The following TRIM2 variants were observed in gnomAD, a reference collection of about 807,000 sequenced individuals.
TRIM2 encodes tripartite motif containing 2.
In TRIM2, 20 loss-of-function variants were observed where a neutral mutation model predicts 75.2. The observed-to-expected ratio is 0.27, with a 90% CI of 0.19 to 0.39. The LOEUF (loss-of-function observed/expected upper bound fraction) is 0.39. Among genes scored for constraint, TRIM2 ranks in the 10% least tolerant of loss-of-function variants. The pLI is 1.00. For missense variants in TRIM2, 660 were observed against 990.8 expected, an observed-to-expected ratio of 0.67 and a Z score of 4.48; for synonymous variants, 373 against 388.3, an observed-to-expected ratio of 0.96 and a Z score of 0.46.
intron 1 of TRIM2, among the ~76,000 whole-genome samples, chr4:153,212,148 T>C (rs1417070121): frequency 6.6e-6 from 1 of 152,152 alleles, no homozygotes; most frequent in Non-Finnish European, 1.5e-5. Context: ...AAGCTAAGTG[T>C]CTGTCAACAG....
At chr4:153,314,804 C>G (rs938179669) in intron 6 of TRIM2, among the ~76,000 whole-genome samples, 4 of 152,146 alleles carry the variant, frequency 2.6e-5, no homozygotes, top group Non-Finnish European at 5.9e-5. Context: ...TTATAACTAT[C>G]TGTGGCCTTC....
At chr4:153,239,832 C>CTTTTTTTTTTTTTTTTTTTT (rs142457664) in intron 1 of TRIM2, among the ~76,000 whole-genome samples, 1 of 139,448 alleles carries the variant, frequency 7.2e-6, no homozygotes. Context: ...AACTTTCTTT[C>CTTTTTTTTTTTTTTTTTTTT]TCTTTTTTTT....
At chr4:153,212,086 C>T (rs1034336050) in intron 1 of TRIM2, among the ~76,000 whole-genome samples, 1 of 152,166 alleles carries the variant, frequency 6.6e-6, no homozygotes, top group African/African-American at 2.4e-5. Flanking sequence ...AATGGCCTCT[C>T]TGCAGGCTTC....
chr4:153,298,019 A>G (rs1763097929), intron 6 of TRIM2, among the ~76,000 whole-genome samples: 1 of 152,178 alleles, frequency 6.6e-6, no homozygotes, highest in Admixed American at 6.5e-5. Context: ...CATGTCTTTC[A>G]GGAGTTTCCT....
chr4:153,207,625 T>C (rs1025116563), intron 1 of TRIM2, among the ~76,000 whole-genome samples: 1 of 152,210 alleles, frequency 6.6e-6, no homozygotes, highest in Non-Finnish European at 1.5e-5. Context: ...CAGTCCTAAA[T>C]ACCATCTAAG....
intron 3 of TRIM2, among the ~76,000 whole-genome samples, chr4:153,278,797 C>CAAA (rs5863036): frequency 8.1e-6 from 1 of 123,060 alleles, no homozygotes; most frequent in Admixed American, 8.3e-5. Context: ...GACTCTATCT[C>CAAA]AAAAAAAAAA....
At chr4:153,193,067 T>C (rs1291790009) in intron 1 of TRIM2, among the ~76,000 whole-genome samples, 1 of 152,186 alleles carries the variant, frequency 6.6e-6, no homozygotes, top group Non-Finnish European at 1.5e-5. Flanking sequence ...TGTTCACTGC[T>C]TTATTCCTCA....
intron 1 of TRIM2, among the ~76,000 whole-genome samples, chr4:153,155,206 C>T (rs1301729536): frequency 1.3e-5 from 2 of 152,126 alleles, no homozygotes; most frequent in Non-Finnish European, 2.9e-5. Flanking sequence ...TGGGGTTTCT[C>T]AGATTTTTGC....
At chr4:153,307,974 T>C in intron 6 of TRIM2, 2 of 758,356 alleles carry the variant, frequency 2.6e-6, no homozygotes, top group South Asian at 1.4e-5. Flanking sequence ...GGGCTTGTTC[T>C]GAATACACTG....
At chr4:153,331,746 T>C (rs548684055) in intron 11 of TRIM2, among the ~76,000 whole-genome samples, 2 of 148,752 alleles carry the variant, frequency 1.3e-5, no homozygotes, top group African/African-American at 5.0e-5. Context: ...CTATATGACT[T>C]ACTATATAGT....
chr4:153,290,799 T>A (rs553019734), intron 3 of TRIM2, among the ~76,000 whole-genome samples: 8 of 152,296 alleles, frequency 5.3e-5, no homozygotes, highest in African/African-American at 1.9e-4. Context: ...GTTAATTTTT[T>A]AAATTTTTTT....
chr4:153,300,442 A>G (rs1464238209), intron 6 of TRIM2, among the ~76,000 whole-genome samples: 1 of 152,048 alleles, frequency 6.6e-6, no homozygotes, highest in Non-Finnish European at 1.5e-5. Context: ...GCCATACCTG[A>G]CTAATTTTTT....
In TRIM2 at chr4:153,295,334, A is replaced by G. The variant is rs1166725408; in HGVS notation, c.808A>G (p.Thr270Ala). Residue 270 changes from threonine (T) to alanine (A), a missense_variant, in exon 6 of 12, where the codon ACT (threonine) becomes GCT (alanine). Transcript: ENST00000338700. This position sits in a 1 kb window ranked among gnomAD's most constrained non-coding sequence, Gnocchi z 7.2. ...GCAGGTCCTCCAGTCGCAGCTGGAT[A>G]CTCTGCTCCAGGGGCAGGAGAGCAT... ...KHKVLQSQLD[T>A]LLQGQESIKS... The G allele has an allele frequency of 1.9e-6, 3 of 1,607,192 alleles. No individual in the cohort carries two copies. Among genetic ancestry groups the G allele is most frequent in the Non-Finnish European group, 2.5e-6 (3 of 1,176,532 alleles).
intron 1 of TRIM2, among the ~76,000 whole-genome samples, chr4:153,267,308 T>G (rs1384495805): frequency 6.6e-6 from 1 of 152,156 alleles, no homozygotes; most frequent in Non-Finnish European, 1.5e-5. Flanking sequence ...CTCCTTGGAT[T>G]TGCATTCTGG....
intron 1 of TRIM2, among the ~76,000 whole-genome samples, chr4:153,224,810 A>G (rs1310767922): frequency 6.6e-6 from 1 of 152,266 alleles, no homozygotes; most frequent in Non-Finnish European, 1.5e-5. Flanking sequence ...AAATTTAAAT[A>G]CAAATGGAAG....
intron 10 of TRIM2, among the ~76,000 whole-genome samples, chr4:153,324,992 A>G (rs1249351593): frequency 6.6e-6 from 1 of 152,244 alleles, no homozygotes; most frequent in Non-Finnish European, 1.5e-5. Context: ...AAGGTGAGTC[A>G]TTTTAAAGGA....
chr4:153,253,174 G>A (rs13107917), intron 1 of TRIM2, among the ~76,000 whole-genome samples: 34,678 of 152,090 alleles, frequency 0.23, 4,574 homozygotes, highest in African/African-American at 0.37. Flanking sequence ...CTAAAGGAGC[G>A]CAAGAAGTTA....
At chr4:153,329,381 T>C (rs775148460) in intron 11 of TRIM2, among the ~76,000 whole-genome samples, 1 of 151,938 alleles carries the variant, frequency 6.6e-6, no homozygotes, top group Non-Finnish European at 1.5e-5. Flanking sequence ...ATAGAACGTA[T>C]CAAAATTTGT....
chr4:153,295,301 G>C lies in TRIM2; in HGVS notation c.787-12G>C. On this transcript the variant is annotated splice_polypyrimidine_tract_variant and intron_variant, in intron 5 of 11. Transcript: ENST00000338700. This position sits in a 1 kb window ranked among gnomAD's most constrained non-coding sequence, Gnocchi z 7.2. ...GTGGGACGAGCTCACCAGGCCTCCG[G>C]TTTTCCCGCAGGTCCTCCAGTCGCA... The C allele has an allele frequency of 6.4e-7, 1 of 1,571,992 alleles. No individual in the cohort carries two copies. Among genetic ancestry groups the C allele is most frequent in the Non-Finnish European group, 8.6e-7 (1 of 1,159,338 alleles).
Sources: allele counts gnomAD v4.1 joint callset (sites outside exome capture counted in the v4.1 genomes callset), GRCh38; gene constraint gnomAD v4.1.1; non-coding constraint Gnocchi (gnomAD v3.1); transcripts MANE v1.5; gene names NCBI Gene and HGNC (gene_info 2026-07-23, HGNC 2026-07-21).